Variants in METTL15 observed in about 807,000 individuals in gnomAD.
METTL15 encodes the protein 12S rRNA N(4)-cytidine methyltransferase METTL15.
A neutral mutation model predicts 38.3 loss-of-function variants in METTL15; 34 were observed. The observed-to-expected ratio is 0.89, with a 90% CI of 0.68 to 1.18. The LOEUF (loss-of-function observed/expected upper bound fraction) is 1.18. Among genes scored for constraint, METTL15 ranks in the 50% most tolerant of loss-of-function variants. The pLI is 0.00. For synonymous variants in METTL15, 162 were observed against 170.9 expected (o/e 0.95, Z 0.41); for missense variants, 438 against 498.4 (o/e 0.88, Z 1.15).
At chr11:28,489,793 G>T (rs1851478773) in intron 6 of METTL15, among the ~76,000 whole-genome samples, 1 of 152,144 alleles carries the variant, frequency 6.6e-6, no homozygotes, top group Non-Finnish European at 1.5e-5. Context: ...ACTTTGCAAA[G>T]AATTTCAGCA....
chr11:28,283,408 G>T (rs1305894964), intron 4 of METTL15, among the ~76,000 whole-genome samples: 1 of 152,116 alleles, frequency 6.6e-6, no homozygotes, highest in African/African-American at 2.4e-5. Flanking sequence ...ACTACAGGAT[G>T]CCCAACCTTG....
At chr11:28,505,502 A>G (rs1264349138) in intron 6 of METTL15, among the ~76,000 whole-genome samples, 3 of 152,252 alleles carry the variant, frequency 2.0e-5, no homozygotes, top group African/African-American at 7.2e-5. Flanking sequence ...AAGCAAATCC[A>G]TAAACCATTT....
chr11:28,517,987 C>T (rs554103552), intron 6 of METTL15, among the ~76,000 whole-genome samples: 3 of 152,326 alleles, frequency 2.0e-5, no homozygotes, highest in East Asian at 3.9e-4. Context: ...GAAACACATT[C>T]CTCATCTCCT....
intron 6 of METTL15, among the ~76,000 whole-genome samples, chr11:28,468,129 G>A (rs1851273055): frequency 6.6e-6 from 1 of 152,162 alleles, no homozygotes; most frequent in Admixed American, 6.5e-5. Flanking sequence ...CACCCCAAGT[G>A]ACTTGTTTTC....
chr11:28,323,361 C>G (rs1265023466), intron 6 of METTL15, among the ~76,000 whole-genome samples: 1 of 151,946 alleles, frequency 6.6e-6, no homozygotes, highest in Non-Finnish European at 1.5e-5. Context: ...AGATGGTAAA[C>G]AAATAAATAT....
chr11:28,469,019 T>G (rs1262454390), intron 6 of METTL15, among the ~76,000 whole-genome samples: 2 of 152,170 alleles, frequency 1.3e-5, no homozygotes, highest in African/African-American at 4.8e-5. Flanking sequence ...TTTAAAAGAT[T>G]TTAAAAGAAT....
intron 4 of METTL15, among the ~76,000 whole-genome samples, chr11:28,264,890 A>T (rs1449355642): frequency 6.6e-6 from 1 of 152,168 alleles, no homozygotes; most frequent in Non-Finnish European, 1.5e-5. Flanking sequence ...TGCTGACTGT[A>T]GAAAGATATG....
At chr11:28,295,084 G>A (rs1856681403) in intron 5 of METTL15, among the ~76,000 whole-genome samples, 1 of 151,986 alleles carries the variant, frequency 6.6e-6, no homozygotes, top group Non-Finnish European at 1.5e-5. Context: ...GTTTTAGCAG[G>A]GATTTTTGTC....
chr11:28,216,432 T>G (rs1565174262), intron 4 of METTL15, among the ~76,000 whole-genome samples: 2 of 152,104 alleles, frequency 1.3e-5, no homozygotes, highest in Non-Finnish European at 1.5e-5. Context: ...TTGAAGAAAG[T>G]AAAATAGATC....
chr11:28,455,981 C>T (rs1851165033), intron 6 of METTL15, among the ~76,000 whole-genome samples: 1 of 152,164 alleles, frequency 6.6e-6, no homozygotes, highest in African/African-American at 2.4e-5. Context: ...GCTGGGATTA[C>T]AGGCATGAGC....
intron 5 of METTL15, among the ~76,000 whole-genome samples, chr11:28,380,913 G>T (rs1324774970): frequency 6.6e-6 from 1 of 151,934 alleles, no homozygotes; most frequent in Non-Finnish European, 1.5e-5. Context: ...CAGTTGAGAA[G>T]TCTGTTGTCA....
intron 3 of METTL15, among the ~76,000 whole-genome samples, chr11:28,148,965 T>C (rs1189497844): frequency 3.9e-5 from 6 of 151,950 alleles, no homozygotes; most frequent in Non-Finnish European, 8.8e-5. Flanking sequence ...AATACTGCGT[T>C]AAAAGGATGG....
intron 4 of METTL15, among the ~76,000 whole-genome samples, chr11:28,284,509 C>T (rs1194259491): frequency 6.6e-6 from 1 of 152,084 alleles, no homozygotes; most frequent in Non-Finnish European, 1.5e-5. Flanking sequence ...AAGATAATCC[C>T]TGAATCCTAA....
At chr11:28,174,889 A>G (rs1851001899) in intron 3 of METTL15, among the ~76,000 whole-genome samples, 1 of 150,662 alleles carries the variant, frequency 6.6e-6, no homozygotes, top group South Asian at 2.1e-4. Flanking sequence ...ACATCTTTCT[A>G]TGTATTGAAG....
At chr11:28,217,068 T>A (rs1370136539) in intron 4 of METTL15, among the ~76,000 whole-genome samples, 5 of 152,092 alleles carry the variant, frequency 3.3e-5, no homozygotes, top group African/African-American at 1.2e-4. Flanking sequence ...ATCCTTAGGG[T>A]ATATACCCAG....
intron 6 of METTL15, among the ~76,000 whole-genome samples, chr11:28,504,161 C>T (rs1272001412): frequency 7.4e-6 from 1 of 135,104 alleles, no homozygotes; most frequent in Non-Finnish European, 1.5e-5. Context: ...CACTCCATTG[C>T]ACTCCAGCTT....
intron 3 of METTL15, among the ~76,000 whole-genome samples, chr11:28,342,523 A>G (rs960596265): frequency 1.3e-5 from 2 of 151,724 alleles, no homozygotes; most frequent in Non-Finnish European, 2.9e-5. Context: ...TTGGCCTCCC[A>G]AAGTACTATA....
chr11:28,422,013 A>G (rs1332331502), intron 5 of METTL15, among the ~76,000 whole-genome samples: 1 of 152,118 alleles, frequency 6.6e-6, no homozygotes, highest in Non-Finnish European at 1.5e-5. Flanking sequence ...AAATCAGCAT[A>G]CAAAAATCAG....
chr11:28,212,825 C>T (rs189838203), intron 4 of METTL15, among the ~76,000 whole-genome samples: 106 of 152,222 alleles, frequency 7.0e-4, no homozygotes, highest in African/African-American at 2.4e-3. Flanking sequence ...CATAGAAAAA[C>T]TGAATTCTCG....
Sources: allele counts gnomAD v4.1 joint callset (sites outside exome capture counted in the v4.1 genomes callset), GRCh38; gene constraint gnomAD v4.1.1; transcripts MANE v1.5; gene names NCBI Gene and HGNC (gene_info 2026-07-23, HGNC 2026-07-21).